Variants in ZC3H6 observed in about 807,000 individuals in gnomAD.
ZC3H6 encodes zinc finger CCCH domain-containing protein 6.
ZC3H6 carries 40 observed loss-of-function variants against 107.7 expected under a neutral mutation model. The ratio of observed to expected loss-of-function variants is 0.37; its 90% CI spans 0.29 to 0.48. The LOEUF (loss-of-function observed/expected upper bound fraction) is 0.48. Ranked by LOEUF, ZC3H6 falls within the 20% of genes least tolerant of loss-of-function variation. ZC3H6 has a pLI of 0.98. For synonymous variants in ZC3H6, 493 were observed against 487.9 expected, an observed-to-expected ratio of 1.01 and a Z score of -0.14; for missense variants, 1,267 against 1,410.4, an observed-to-expected ratio of 0.90 and a Z score of 1.63.
intron 3 of ZC3H6, among the ~76,000 whole-genome samples, chr2:112,308,453 T>G (rs11902928): frequency 0.51 from 75,306 of 148,194 alleles, 21,275 homozygotes; most frequent in East Asian, 0.76. Flanking sequence ...TTGAGACAGG[T>G]TCTCACTGTG....
chr2:112,310,186 T>A, intron 4 of ZC3H6, 25 bp downstream of exon 4: 1 of 1,597,564 alleles, frequency 6.3e-7, no homozygotes, highest in Non-Finnish European at 8.5e-7. Flanking sequence ...ACAGTCTGTC[T>A]TAGAATGTGA....
At chr2:112,299,821 T>C in intron 1 of ZC3H6, 28 bp from the exon 2 acceptor site, 1 of 1,344,344 alleles carries the variant, frequency 7.4e-7, no homozygotes, top group Non-Finnish European at 9.7e-7. Context: ...TAGAATGATA[T>C]TTGAAAATTA....
At chr2:112,276,307 G>A (rs920011323) in intron 1 of ZC3H6, among the ~76,000 whole-genome samples, 4 of 150,592 alleles carry the variant, frequency 2.7e-5, no homozygotes, top group African/African-American at 4.9e-5. Flanking sequence ...GGCTCCGTGT[G>A]CGCCGGGCGG....
At chr2:112,330,637 A>T (rs895565153) in intron 11 of ZC3H6, among the ~76,000 whole-genome samples, 1 of 152,196 alleles carries the variant, frequency 6.6e-6, no homozygotes, top group Non-Finnish European at 1.5e-5. Flanking sequence ...CCCACCACAC[A>T]TACAACACAC....
At chr2:112,288,928 T>C (rs888312507) in intron 1 of ZC3H6, among the ~76,000 whole-genome samples, 6 of 152,216 alleles carry the variant, frequency 3.9e-5, no homozygotes, top group Non-Finnish European at 8.8e-5. Context: ...CAGCCCTTTT[T>C]TGAACCGCAA....
intron 11 of ZC3H6, among the ~76,000 whole-genome samples, chr2:112,325,433 G>A: frequency 6.6e-6 from 1 of 151,984 alleles, no homozygotes; most frequent in East Asian, 1.9e-4. Flanking sequence ...GGCAGAGGTT[G>A]CAGTGAGACT....
chr2:112,331,456 C>A lies in ZC3H6; in HGVS notation c.2538C>A (p.Gly846=). Residue 846 remains glycine, a synonymous_variant, in exon 12 of 12, where the codon GGC becomes GGA. Coordinates refer to ENST00000409871, the MANE Select transcript of ZC3H6 (RefSeq NM_198581.3). ...TAATACCTTTGGATGCCTCACCTGG[C>A]ATAATGCTCCAGGATCCAAGGTCAC... is the stretch of plus-strand genomic sequence containing the variant. ...AFLIPLDASP[G]IMLQDPRSQL... is the part of the protein sequence containing the mutation. The A allele has an allele frequency of 3.7e-6, 6 of 1,613,944 alleles. No individual in the cohort carries two copies. Among genetic ancestry groups the A allele is most frequent in the Non-Finnish European group, 5.1e-6 (6 of 1,179,870 alleles).
In ZC3H6 at chr2:112,312,070, A is replaced by T. The variant is rs565675735; in HGVS notation, c.747+133A>T. 18 of 872,010 alleles carry T rather than the reference A, an allele frequency of 2.1e-5. No individual in the cohort carries two copies. The African/African-American group carries it at 2.9e-4, about 14-fold the overall frequency. 54.0% of individuals were successfully genotyped at this position (872,010 alleles called of 1,614,324 possible). Reference sequence around the variant, plus strand: ...AATTACCAGCTCAGATAAAATGAGTATCAATAACCTCCAAAAAATAGTTGT... The same window carrying T: ...AATTACCAGCTCAGATAAAATGAGTTTCAATAACCTCCAAAAAATAGTTGT... On this transcript the variant is annotated intron_variant, in intron 5 of 11. Coordinates refer to ENST00000409871, the MANE Select transcript of ZC3H6 (RefSeq NM_198581.3).
intron 9 of ZC3H6, among the ~76,000 whole-genome samples, 157 bp downstream of exon 9, chr2:112,323,059 G>A (rs1266916713): frequency 1.3e-5 from 2 of 152,032 alleles, no homozygotes; most frequent in African/African-American, 4.8e-5. Flanking sequence ...CTTTGTTTTC[G>A]GTTCCCACCT....
intron 1 of ZC3H6, among the ~76,000 whole-genome samples, chr2:112,292,865 C>A (rs1345227035): frequency 1.3e-5 from 2 of 152,156 alleles, no homozygotes; most frequent in Non-Finnish European, 2.9e-5. Flanking sequence ...AGTGTCCTCT[C>A]AGACACTCCC....
chr2:112,311,517 C>T (rs1379409061), intron 4 of ZC3H6, among the ~76,000 whole-genome samples: 2 of 152,084 alleles, frequency 1.3e-5, no homozygotes, highest in Non-Finnish European at 2.9e-5. Flanking sequence ...AACAGAAAGG[C>T]TTGTTAATGA....
chr2:112,331,624 G>A lies in ZC3H6; in HGVS notation c.2706G>A (p.Leu902=). The part of the protein sequence containing the change: ...PDPVSSINLP[L]PPLIADQRLN... Reference sequence around the variant, plus strand: ...CAGTGTCTTCAATCAATTTACCTCTGCCCCCACTTATAGCTGACCAGAGGC... The same window carrying A: ...CAGTGTCTTCAATCAATTTACCTCTACCCCCACTTATAGCTGACCAGAGGC... Residue 902 remains leucine (L), a synonymous_variant, in exon 12 of 12, where the codon CTG becomes CTA. Coordinates refer to ENST00000409871, the MANE Select transcript of ZC3H6 (RefSeq NM_198581.3). 1 of 1,613,830 alleles carries A rather than the reference G, an allele frequency of 6.2e-7. No homozygotes were observed.
At chr2:112,320,392 T>C (rs1247219710) in intron 7 of ZC3H6, among the ~76,000 whole-genome samples, 5 of 152,208 alleles carry the variant, frequency 3.3e-5, no homozygotes, top group Non-Finnish European at 7.4e-5. Context: ...TTTACTGATT[T>C]AAAATGGCAT....
At chr2:112,278,510 C>G (rs549555141) in intron 1 of ZC3H6, among the ~76,000 whole-genome samples, 9 of 152,012 alleles carry the variant, frequency 5.9e-5, no homozygotes, top group Admixed American at 5.9e-4. Context: ...GTAGAGACCA[C>G]GTTTCATCAT....
At chr2:112,309,436 C>T (rs1449294053) in intron 3 of ZC3H6, among the ~76,000 whole-genome samples, 1 of 152,062 alleles carries the variant, frequency 6.6e-6, no homozygotes, top group Non-Finnish European at 1.5e-5. Flanking sequence ...TAAAATTTTC[C>T]ACACATACAG....
chr2:112,277,766 A>C (rs1384805800), intron 1 of ZC3H6, among the ~76,000 whole-genome samples: 1 of 137,086 alleles, frequency 7.3e-6, no homozygotes, highest in African/African-American at 3.1e-5. Context: ...CATTGTGCTG[A>C]GATGAAGGAG....
Position 112,322,853 on chromosome 2 carries a change from G to T in ZC3H6, c.1291G>T (p.Glu431Ter). The change falls in exon 9 of 12, where the codon GAA (glutamate) becomes TAA (stop). Residue 431 changes from glutamate (E) to a stop codon, truncating the protein, a stop_gained. Transcript: ENST00000409871. LOFTEE classifies it high-confidence loss of function. ...TTTTAGGAAAATTCCATCTCTTTTT[G>T]AAATAGTTGTAAAACCTACTGTGGA... The part of the protein sequence containing the change: ...DDFRKIPSLF[E>*]IVVKPTVDLA... 1 of 1,612,822 alleles carries T rather than the reference G, an allele frequency of 6.2e-7. No homozygotes were observed. Among genetic ancestry groups the T allele is most frequent in the South Asian group, 1.1e-5 (1 of 90,662 alleles).
intron 1 of ZC3H6, among the ~76,000 whole-genome samples, chr2:112,278,213 T>A (rs1686462635): frequency 6.6e-6 from 1 of 152,282 alleles, no homozygotes; most frequent in Non-Finnish European, 1.5e-5. Flanking sequence ...TATCTTTCCA[T>A]ATAATAGCTA....
chr2:112,276,640 A>G (rs987617365), intron 1 of ZC3H6, among the ~76,000 whole-genome samples: 2 of 152,190 alleles, frequency 1.3e-5, no homozygotes, highest in African/African-American at 4.8e-5. Flanking sequence ...TAAAAACTCC[A>G]TGGATTATTC....
Sources: allele counts gnomAD v4.1 joint callset (sites outside exome capture counted in the v4.1 genomes callset), GRCh38; gene constraint gnomAD v4.1.1; transcripts MANE v1.5; gene names NCBI Gene and HGNC (gene_info 2026-07-23, HGNC 2026-07-21).